Variants in TSC22D2 observed in about 807,000 individuals in gnomAD.
The protein encoded by TSC22D2 is TSC22 domain family member 2.
A neutral mutation model predicts 50.1 loss-of-function variants in TSC22D2; 5 were observed. The ratio of observed to expected loss-of-function variants is 0.10; its 90% CI spans 0.05 to 0.21. TSC22D2 has a LOEUF of 0.21. Ranked by LOEUF, TSC22D2 falls within the 10% of genes least tolerant of loss-of-function variation. TSC22D2 has a pLI of 1.00. For missense variants in TSC22D2, 1,003 were observed against 1,015.5 expected (o/e 0.99, Z 0.17); for synonymous variants, 501 against 450.1 (o/e 1.11, Z -1.43).
At position 150,444,090 on chromosome 3, in the gene TSC22D2, G is replaced by A. The variant is rs182003979; in HGVS notation, c.1959-12986G>A. ...TTGCCTATATTACATAGAAACTGGC[G>A]CACTTTCCTTCTTTCTCAGTAGGTA... On this transcript the variant is annotated intron_variant, in intron 1 of 2. Transcript: ENST00000688009. Among the ~76,000 whole-genome samples, 10 of 152,082 alleles carry A rather than the reference G, an allele frequency of 6.6e-5. No homozygotes were observed. The East Asian group carries it at 1.3e-3, about 21-fold the overall frequency.
intron 1 of TSC22D2, among the ~76,000 whole-genome samples, chr3:150,450,763 C>T (rs1337063842): frequency 6.6e-6 from 1 of 152,046 alleles, no homozygotes; most frequent in African/African-American, 2.4e-5. Flanking sequence ...GTTTACTGAA[C>T]TGTAGATTGA....
intron 1 of TSC22D2, among the ~76,000 whole-genome samples, chr3:150,424,674 T>G (rs1208385104): frequency 6.6e-6 from 1 of 152,238 alleles, no homozygotes; most frequent in Non-Finnish European, 1.5e-5. Context: ...GCAAGTTGCG[T>G]ATCTATGGTT....
At chr3:150,412,631 GTCTT>G (rs1258046311) in intron 1 of TSC22D2, among the ~76,000 whole-genome samples, 1 of 152,052 alleles carries the variant, frequency 6.6e-6, no homozygotes, top group Non-Finnish European at 1.5e-5. Context: ...CTTATGGGGA[GTCTT>G]TCTTCACTTG....
chr3:150,416,963 G>T (rs1468475393), intron 1 of TSC22D2, among the ~76,000 whole-genome samples: 1 of 151,996 alleles, frequency 6.6e-6, no homozygotes, highest in Non-Finnish European at 1.5e-5. Flanking sequence ...TGTTTAAAAA[G>T]AAAAAGTGCT....
rs1372372692 is a variant in TSC22D2 at position 150,462,663 on chromosome 3, GTC to G, written c.*4029_*4030del. ...TCTTTTTTTTTTTTTTTGAGACAGAGTCTTGCTGTGCTCAGGCTGGAGTGCAG... is the reference window on the plus strand; with the variant it reads ...TCTTTTTTTTTTTTTTTGAGACAGAGTTGCTGTGCTCAGGCTGGAGTGCAG... On this transcript the variant is annotated 3_prime_UTR_variant, in exon 3 of 3. Coordinates refer to ENST00000688009, the MANE Select transcript of TSC22D2 (RefSeq NM_001303264.2). 1 of 132,830 alleles carries G rather than the reference GTC, an allele frequency of 7.5e-6. No homozygotes were observed. Among genetic ancestry groups the G allele is most frequent in the East Asian group, 2.1e-4 (1 of 4,838 alleles). 8.2% of individuals were successfully genotyped at this position (132,830 alleles called of 1,614,324 possible).
intron 1 of TSC22D2, among the ~76,000 whole-genome samples, chr3:150,437,401 T>C (rs1047796001): frequency 6.6e-6 from 1 of 152,106 alleles, no homozygotes; most frequent in Non-Finnish European, 1.5e-5. Flanking sequence ...ATTTTCAAAA[T>C]TGGGGGTAGT....
intron 1 of TSC22D2, among the ~76,000 whole-genome samples, chr3:150,412,635 T>G: frequency 6.6e-6 from 1 of 152,190 alleles, no homozygotes; most frequent in East Asian, 1.9e-4. Context: ...TGGGGAGTCT[T>G]TCTTCACTTG....
chr3:150,447,563 G>A (rs1308475287), intron 1 of TSC22D2, among the ~76,000 whole-genome samples: 2 of 152,064 alleles, frequency 1.3e-5, no homozygotes, highest in African/African-American at 4.8e-5. Flanking sequence ...TTTATTTGCA[G>A]TGCTTTATTT....
At position 150,409,470 on chromosome 3, in the gene TSC22D2, C is replaced by T. The variant is rs1401443177; in HGVS notation, c.120C>T (p.Arg40=). The change falls in exon 1 of 3, where the codon CGC becomes CGT. Residue 40 remains arginine (R), a synonymous_variant. Coordinates refer to ENST00000688009, the MANE Select transcript of TSC22D2 (RefSeq NM_001303264.2). This position sits in a 1 kb window ranked among gnomAD's most constrained non-coding sequence, Gnocchi z 7.4. ...TESLDDPDES[R]TEDVSSEIFD... is the part of the protein sequence containing the mutation. Reference sequence around the variant, plus strand: ...GCTTGGACGACCCGGACGAGTCACGCACAGAGGACGTCTCCTCCGAGATTT... The same window carrying T: ...GCTTGGACGACCCGGACGAGTCACGTACAGAGGACGTCTCCTCCGAGATTT... The T allele has an allele frequency of 6.2e-7, 1 of 1,613,464 alleles. No individual in the cohort carries two copies. The highest frequency in any genetic ancestry group is 8.5e-7 in the Non-Finnish European group (1 of 1,179,866).
Position 150,461,761 on chromosome 3 carries a change from G to GA in TSC22D2, c.*3126dup, listed in dbSNP as rs1310012036. ...TATAATCAAGCCTCCAGTGACTGGG[G>GA]ATCACAGCTGCCATTATTCACAAGA... On this transcript the variant is annotated 3_prime_UTR_variant, in exon 3 of 3. Coordinates refer to ENST00000688009, the MANE Select transcript of TSC22D2 (RefSeq NM_001303264.2). 1 of 151,930 alleles carries GA rather than the reference G, an allele frequency of 6.6e-6. No individual in the cohort carries two copies. The highest frequency in any genetic ancestry group is 1.5e-5 in the Non-Finnish European group (1 of 67,994). 9.4% of individuals were successfully genotyped at this position (151,930 alleles called of 1,614,324 possible).
intron 1 of TSC22D2, among the ~76,000 whole-genome samples, chr3:150,414,579 A>G (rs768098857): frequency 7.9e-5 from 12 of 152,064 alleles, no homozygotes; most frequent in South Asian, 2.1e-4. Context: ...AGATATTTCT[A>G]TGTCTTGTTA....
intron 1 of TSC22D2, chr3:150,438,447 G>A: frequency 6.0e-6 from 1 of 166,596 alleles, no homozygotes; most frequent in Non-Finnish European, 1.3e-5. Flanking sequence ...TTGTGTAAGA[G>A]TATAGTATTA....
At chr3:150,427,209 A>C (rs573382023) in intron 1 of TSC22D2, among the ~76,000 whole-genome samples, 3 of 152,136 alleles carry the variant, frequency 2.0e-5, no homozygotes, top group Non-Finnish European at 4.4e-5. Flanking sequence ...TTTTTATTGA[A>C]GTATAATTTG....
rs935267384 is a variant in TSC22D2 at position 150,408,829 on chromosome 3, T to G, written c.-522T>G. On this transcript the variant is annotated 5_prime_UTR_variant, in exon 1 of 3. Coordinates refer to ENST00000688009, the MANE Select transcript of TSC22D2 (RefSeq NM_001303264.2). ...CCGGACTCGCCGCTCCTTCCCTCAG[T>G]CAGAGAGCCCAGCGCTGACGCCGGC... The G allele has an allele frequency of 4.6e-5, 7 of 152,914 alleles. No individual in the cohort carries two copies. Among genetic ancestry groups the G allele is most frequent in the African/African-American group, 1.5e-4 (6 of 41,374 alleles). 9.5% of individuals were successfully genotyped at this position (152,914 alleles called of 1,614,324 possible). A position where few individuals can be genotyped will look rare whatever the true frequency, so the allele number is the denominator to read the frequency against.
In TSC22D2 at chr3:150,410,283, C is replaced by T. The variant is rs1260253993; in HGVS notation, c.933C>T (p.Pro311=). The change falls in exon 1 of 3, where the codon CCC becomes CCT. Residue 311 remains proline, a synonymous_variant. Coordinates refer to ENST00000688009, the MANE Select transcript of TSC22D2 (RefSeq NM_001303264.2). ...GPQPMMAAAQ[P]SQPQGAGPGG... is the part of the protein sequence containing the mutation. ...AGCCAATGATGGCAGCCGCGCAGCCCAGCCAGCCCCAGGGAGCGGGGCCCG... is the reference window on the plus strand; with the variant it reads ...AGCCAATGATGGCAGCCGCGCAGCCTAGCCAGCCCCAGGGAGCGGGGCCCG... The T allele has an allele frequency of 6.4e-7, 1 of 1,559,038 alleles. No homozygotes were observed. The highest frequency in any genetic ancestry group is 8.7e-7 in the Non-Finnish European group (1 of 1,152,762).
At chr3:150,437,658 AT>A (rs1446909141) in intron 1 of TSC22D2, among the ~76,000 whole-genome samples, 1 of 151,448 alleles carries the variant, frequency 6.6e-6, no homozygotes, top group Non-Finnish European at 1.5e-5. Flanking sequence ...AAAAAAAAAA[AT>A]TAGCCAGGCG....
chr3:150,415,893 TC>T (rs1430153387), intron 1 of TSC22D2, among the ~76,000 whole-genome samples: 1 of 152,244 alleles, frequency 6.6e-6, no homozygotes, highest in East Asian at 1.9e-4. Context: ...ATCTGGTACT[TC>T]CTAATTAGGA....
At chr3:150,434,489 C>T (rs1720475100) in intron 1 of TSC22D2, among the ~76,000 whole-genome samples, 1 of 152,134 alleles carries the variant, frequency 6.6e-6, no homozygotes, top group South Asian at 2.1e-4. Context: ...CCTTATTATA[C>T]ATATATTTGA....
intron 1 of TSC22D2, among the ~76,000 whole-genome samples, chr3:150,436,855 G>A (rs1035098277): frequency 6.6e-5 from 10 of 152,216 alleles, no homozygotes; most frequent in African/African-American, 2.4e-4. Context: ...AAGTTCCACT[G>A]AAAGTTAAAA....
Sources: gnomAD v4.1 joint callset for allele counts (sites outside exome capture counted in the v4.1 genomes callset) on GRCh38, gnomAD v4.1.1 for gene constraint, Gnocchi (gnomAD v3.1) non-coding constraint, MANE v1.5 for transcripts, NCBI Gene and HGNC (gene_info 2026-07-23, HGNC 2026-07-21) for gene names.